RB1: variants seen among roughly 807,000 people sequenced by gnomAD.
RB1 encodes RB transcriptional corepressor 1, also known as retinoblastoma-associated protein.
A neutral mutation model predicts 135.4 loss-of-function variants in RB1; 18 were observed. The observed-to-expected ratio is 0.13, with a 90% CI of 0.09 to 0.20. The LOEUF (loss-of-function observed/expected upper bound fraction) is 0.20, where lower values mean the gene tolerates loss of function less well. RB1 is among the 10% of genes least tolerant of loss of function. The pLI, the probability that RB1 is intolerant of heterozygous loss-of-function variation, is 1.00. For missense variants in RB1, 868 were observed against 1,110.0 expected (o/e 0.78, Z 3.10); for synonymous variants, 365 against 373.2 (o/e 0.98, Z 0.25).
Position 48,381,463 on chromosome 13 carries a change from A to G in RB1, c.1695+20A>G, listed in dbSNP as rs2138145924. The G allele has an allele frequency of 6.2e-7, 1 of 1,610,496 alleles. No individual in the cohort carries two copies. Among genetic ancestry groups the G allele is most frequent in the South Asian group, 1.1e-5 (1 of 90,936 alleles). The stretch of plus-strand genomic sequence containing the variant: ...CTCTCAGTAAGTAGCTAAATAATTG[A>G]AGAAATTCATTCATGTGCATATGGC... On this transcript the variant is annotated intron_variant, in intron 17 of 26. Coordinates refer to ENST00000267163, the MANE Select transcript of RB1 (RefSeq NM_000321.3).
At chr13:48,453,152 A>G (rs1949339511) in intron 18 of RB1, 41 bp downstream of exon 18, 7 of 1,559,084 alleles carry the variant, frequency 4.5e-6, no homozygotes, top group Non-Finnish European at 6.2e-6. Flanking sequence ...CAAACTGCAA[A>G]TAGATTTTAA....
At chr13:48,353,376 C>T (rs2138099496) in intron 6 of RB1, among the ~76,000 whole-genome samples, 1 of 152,140 alleles carries the variant, frequency 6.6e-6, no homozygotes, top group South Asian at 2.1e-4. Context: ...ACATGTACAA[C>T]TTACCAAGAT....
At chr13:48,459,092 T>A (rs1389427394) in intron 19 of RB1, among the ~76,000 whole-genome samples, 3 of 152,220 alleles carry the variant, frequency 2.0e-5, no homozygotes, top group Non-Finnish European at 4.4e-5. Context: ...TGTCTAATTT[T>A]ACAGTGTCTT....
rs2138364976 is a variant in RB1, at chr13:48,480,143, C to A, written c.*72C>A. 7.6e-7 allele frequency: 1 copy of A among 1,318,890 alleles called. No homozygotes were observed. The highest frequency in any genetic ancestry group is 1.1e-6 in the Non-Finnish European group (1 of 919,218). The allele number at this position is 1,318,890 out of a possible 1,614,324, so 81.7% of individuals were successfully genotyped here. ...GTCTCTCACAGATGTGACTGTATAA[C>A]TTTCCCAGGTTCTGTTTATGGCCAC... On this transcript the variant is annotated 3_prime_UTR_variant, in exon 27 of 27. Transcript: ENST00000267163.
chr13:48,418,142 T>A (rs1370002809), intron 17 of RB1, among the ~76,000 whole-genome samples: 1 of 152,058 alleles, frequency 6.6e-6, no homozygotes, highest in Non-Finnish European at 1.5e-5. Context: ...AAAGGTCGGG[T>A]TACCTACAAA....
At chr13:48,398,911 A>G (rs1948668478) in intron 17 of RB1, among the ~76,000 whole-genome samples, 1 of 152,132 alleles carries the variant, frequency 6.6e-6, no homozygotes, top group African/African-American at 2.4e-5. Flanking sequence ...AGGGAAAAGT[A>G]ACATTTGTTG....
chr13:48,321,503 T>C (rs1952240519), intron 2 of RB1, among the ~76,000 whole-genome samples: 1 of 151,920 alleles, frequency 6.6e-6, no homozygotes, highest in African/African-American at 2.4e-5. Flanking sequence ...ATTTCCCTTG[T>C]GATTGGTGAT....
Position 48,318,122 on chromosome 13 carries a change from C to A in RB1, c.264+10716C>A, listed in dbSNP as rs894749452. The stretch of plus-strand genomic sequence containing the variant: ...ATCCCCTCACTCGGAAGGCCGGGGC[C>A]GTGTCCTGGCTCCTGACGCCCTCCT... On this transcript the variant is annotated intron_variant, in intron 2 of 26. Coordinates refer to ENST00000267163, the MANE Select transcript of RB1 (RefSeq NM_000321.3). 3 of 516,926 alleles carry A rather than the reference C, an allele frequency of 5.8e-6. No homozygotes were observed. The African/African-American group carries it at 5.8e-5, about 10-fold the overall frequency. 32.0% of individuals were successfully genotyped at this position (516,926 alleles called of 1,614,324 possible).
chr13:48,307,224 T>C (rs2138033534), intron 1 of RB1, 56 bp from the exon 2 acceptor site: 1 of 1,447,072 alleles, frequency 6.9e-7, no homozygotes, highest in Non-Finnish European at 9.7e-7. Flanking sequence ...AAGTATGTAC[T>C]GAATCAATTT....
rs1001659555 is a variant in RB1 at position 48,441,458 on chromosome 13, G to C, written c.1696-11535G>C. Among the ~76,000 whole-genome samples the C allele has an allele frequency of 7.2e-5, 11 of 152,118 alleles. No homozygotes were observed. In the East Asian group the frequency reaches 2.1e-3, roughly 29 times the overall value. ...ATGTGCATATCAACAAAAATCACTTGGTAGGAACCCAATACTAGCTAATAA... is the reference window on the plus strand; with the variant it reads ...ATGTGCATATCAACAAAAATCACTTCGTAGGAACCCAATACTAGCTAATAA... On this transcript the variant is annotated intron_variant, in intron 17 of 26. Transcript: ENST00000267163.
In RB1 at chr13:48,480,038, T is replaced by C. The variant is rs878853951; in HGVS notation, c.2754T>C (p.Asp918=). ...GAATGCAAAAGCAGAAAATGAATGATAGCATGGATACCTCAAACAAGGAAG... is the reference window on the plus strand; with the variant it reads ...GAATGCAAAAGCAGAAAATGAATGACAGCATGGATACCTCAAACAAGGAAG... The part of the protein sequence containing the change: ...RTRMQKQKMN[D]SMDTSNKEEK The change falls in exon 27 of 27, where the codon GAT becomes GAC. Residue 918 remains aspartate, a synonymous_variant. Coordinates refer to ENST00000267163, the MANE Select transcript of RB1 (RefSeq NM_000321.3). The C allele has an allele frequency of 6.3e-5, 102 of 1,613,316 alleles. No homozygotes were observed. The highest frequency in any genetic ancestry group is 8.2e-5 in the Non-Finnish European group (97 of 1,179,528).
rs371952408 is a variant in RB1, at chr13:48,307,243, A to G, written c.138-37A>G. 6.6e-5 allele frequency: 103 copies of G among 1,558,096 alleles called. No individual in the cohort carries two copies. In the African/African-American group the frequency reaches 1.2e-3, roughly 19 times the overall value. ...ATGTACTGAATCAATTTGATTTATAAGTATATGCCAATTATATGATTATTT... is the reference window on the plus strand; with the variant it reads ...ATGTACTGAATCAATTTGATTTATAGGTATATGCCAATTATATGATTATTT... On this transcript the variant is annotated intron_variant, in intron 1 of 26. Coordinates refer to ENST00000267163, the MANE Select transcript of RB1 (RefSeq NM_000321.3).
At chr13:48,389,970 T>C (rs763971149) in intron 17 of RB1, among the ~76,000 whole-genome samples, 29 of 152,186 alleles carry the variant, frequency 1.9e-4, no homozygotes, top group South Asian at 1.2e-3. Flanking sequence ...CTTGGCAACA[T>C]AGGGAGACCC....
chr13:48,443,081 T>G (rs1949253761), intron 17 of RB1, among the ~76,000 whole-genome samples: 1 of 152,022 alleles, frequency 6.6e-6, no homozygotes, highest in African/African-American at 2.4e-5. Flanking sequence ...TAAAATGTGT[T>G]TGTTCATGTG....
At chr13:48,329,176 T>C (rs904767817) in intron 2 of RB1, among the ~76,000 whole-genome samples, 1 of 152,236 alleles carries the variant, frequency 6.6e-6, no homozygotes, top group Non-Finnish European at 1.5e-5. Context: ...TAAACATTTC[T>C]ACTTATGTTC....
At position 48,478,149 on chromosome 13, in the gene RB1, A is replaced by G. The variant is rs1030893888; in HGVS notation, c.2713+745A>G. Among the ~76,000 whole-genome samples the G allele has an allele frequency of 5.9e-4, 90 of 152,326 alleles. 1 individual carries two copies. The highest frequency in any genetic ancestry group is 2.1e-3 in the African/African-American group (88 of 41,582). ...ACTGGGATTTTGAAAGAAGACAAAT[A>G]TTCAGGAGATAGGTGTTAAAACAAT... is the stretch of plus-strand genomic sequence containing the variant. On this transcript the variant is annotated intron_variant, in intron 26 of 26. Coordinates refer to ENST00000267163, the MANE Select transcript of RB1 (RefSeq NM_000321.3).
At chr13:48,336,426 G>A (rs950388624) in intron 2 of RB1, among the ~76,000 whole-genome samples, 2 of 152,140 alleles carry the variant, frequency 1.3e-5, no homozygotes, top group African/African-American at 4.8e-5. Flanking sequence ...GGGTGTATGT[G>A]TCCAGGAATT....
chr13:48,320,132 A>G (rs1952221823), intron 2 of RB1: 3 of 791,464 alleles, frequency 3.8e-6, no homozygotes, highest in Admixed American at 2.5e-5. Context: ...TCTAGCACCA[A>G]CGGGCCAAAG....
intron 1 of RB1, among the ~76,000 whole-genome samples, chr13:48,304,634 A>C (rs747089365): frequency 6.6e-6 from 1 of 152,190 alleles, no homozygotes; most frequent in African/African-American, 2.4e-5. Flanking sequence ...CCTTAGAACA[A>C]TAATGCATCG....
Sources: gnomAD v4.1 joint callset for allele counts (sites outside exome capture counted in the v4.1 genomes callset) on GRCh38, gnomAD v4.1.1 for gene constraint, MANE v1.5 for transcripts, NCBI Gene and HGNC (gene_info 2026-07-23, HGNC 2026-07-21) for gene names.